The following MTMR1 variants were observed in gnomAD, a reference collection of about 807,000 sequenced individuals.
MTMR1 encodes the protein myotubularin related protein 1, also known as phosphatidylinositol-3-phosphate phosphatase MTMR1.
Under a neutral mutation model 51.6 loss-of-function variants are expected in MTMR1, and 17 were observed. The observed-to-expected ratio is 0.33, with a 90% confidence interval of 0.23 to 0.49. MTMR1 has a LOEUF of 0.49. Among genes scored for constraint, MTMR1 ranks in the 20% least tolerant of loss-of-function variants. The pLI is 0.99. For missense variants in MTMR1, 386 were observed against 526.9 expected, an observed-to-expected ratio of 0.73 and a Z score of 2.62; for synonymous variants, 201 against 205.6, an observed-to-expected ratio of 0.98 and a Z score of 0.19.
At chrX:150,745,508 G>A (rs1394107429) in intron 13 of MTMR1, among the ~76,000 whole-genome samples, 1 of 111,963 alleles carries the variant, frequency 8.9e-6, no homozygotes, top group Non-Finnish European at 1.9e-5. Flanking sequence ...CCCTACTGCA[G>A]AAAGTCTGTG....
chrX:150,759,633 G>C (rs1032836508), intron 15 of MTMR1, among the ~76,000 whole-genome samples: 3 of 109,724 alleles, frequency 2.7e-5, no homozygotes, highest in Non-Finnish European at 5.8e-5. Flanking sequence ...TGCCCGCCGC[G>C]TGAGGCAGGT....
At chrX:150,729,218 C>CACA (rs2042035443) in intron 6 of MTMR1, among the ~76,000 whole-genome samples, 1 of 100,107 alleles carries the variant, frequency 1.0e-5, no homozygotes, top group Non-Finnish European at 2.0e-5. Flanking sequence ...ACACACCCAC[C>CACA]CACACACACA....
intron 4 of MTMR1, among the ~76,000 whole-genome samples, chrX:150,720,258 C>G (rs1294511776): frequency 8.9e-6 from 1 of 111,886 alleles, no homozygotes; most frequent in Non-Finnish European, 1.9e-5. Flanking sequence ...GTCAAGGTAA[C>G]AAACATATCC....
Position 150,727,306 on chromosome X carries a change from G to C in MTMR1, c.444G>C (p.Glu148Asp). ...TDFKLYFKNV[E>D]RDPHFILDVP... ...TTAAGCTGTACTTCAAAAATGTCGA[G>C]AGGGTGAGTTTTTTAAAGTGTGTTT... Residue 148 changes from glutamate (E) to aspartate (D), a missense_variant, in exon 5 of 16, where the codon GAG (glutamate) becomes GAC (aspartate). Glu to Asp is a conservative substitution (Grantham distance 45). Transcript: ENST00000445323. 7 of 1,192,394 alleles carry C rather than the reference G, an allele frequency of 5.9e-6. No individual in the cohort carries two copies. The highest frequency in any genetic ancestry group is 6.8e-6 in the Non-Finnish European group (6 of 879,746).
intron 4 of MTMR1, among the ~76,000 whole-genome samples, chrX:150,723,850 T>C (rs1478715964): frequency 2.7e-5 from 3 of 111,892 alleles, no homozygotes; most frequent in African/African-American, 9.7e-5. Flanking sequence ...TTTCTGTTCC[T>C]GTGTTAGTTT....
chrX:150,694,767 G>A (rs782256289), intron 1 of MTMR1, among the ~76,000 whole-genome samples: 8 of 112,385 alleles, frequency 7.1e-5, no homozygotes, highest in Non-Finnish European at 1.5e-4. Flanking sequence ...CACACACGAG[G>A]TCTGGGCGAT....
At chrX:150,749,603 G>A (rs1300528055) in intron 13 of MTMR1, among the ~76,000 whole-genome samples, 7 of 111,909 alleles carry the variant, frequency 6.3e-5, no homozygotes, top group African/African-American at 2.3e-4. Context: ...GCTGGCAATA[G>A]TAATAGTCTT....
intron 15 of MTMR1, among the ~76,000 whole-genome samples, chrX:150,760,447 G>A (rs1206190886): frequency 8.9e-6 from 1 of 111,871 alleles, no homozygotes; most frequent in African/African-American, 3.3e-5. Context: ...GGATGGCTGG[G>A]TGTGGAAGGC....
Position 150,762,586 on chromosome X carries a change from A to G in MTMR1, c.1879A>G (p.Lys627Glu), listed in dbSNP as rs1557418071. ...CCAGATGCCCATTCACCAGAATCTC[A>G]AGGAGCTGCTGGCCGTCAGGGCGGA... ...RPQMPIHQNL[K>E]ELLAVRAELQ... The change falls in exon 16 of 16, where the codon AAG becomes GAG. Residue 627 changes from lysine to glutamate, a missense_variant. Transcript: ENST00000445323. The G allele has an allele frequency of 8.3e-7, 1 of 1,200,357 alleles. No individual in the cohort carries two copies. Among genetic ancestry groups the G allele is most frequent in the Non-Finnish European group, 1.1e-6 (1 of 885,246 alleles).
At position 150,755,639 on chromosome X, in the gene MTMR1, TTGA is replaced by T. The variant is rs1401333751; in HGVS notation, c.1681-45_1681-43del. On this transcript the variant is annotated intron_variant, in intron 14 of 15. Coordinates refer to ENST00000445323, the MANE Select transcript of MTMR1 (RefSeq NM_001306144.3). The stretch of plus-strand genomic sequence containing the variant: ...CCTTTTCTCGGTGTAATACTAATTC[TTGA>T]TGATATGAAGAAAAGTTTATTTCCA... 16 of 977,296 alleles carry T rather than the reference TTGA, an allele frequency of 1.6e-5. No homozygotes were observed. In the African/African-American group the frequency reaches 3.1e-4, roughly 19 times the overall value. The allele number at this position is 977,296 out of a possible 1,213,427, so 80.5% of individuals were successfully genotyped here.
At chrX:150,742,859 C>T (rs1046566100) in intron 12 of MTMR1, among the ~76,000 whole-genome samples, 3 of 106,525 alleles carry the variant, frequency 2.8e-5, no homozygotes, top group African/African-American at 1.0e-4. Context: ...AGAAATCATG[C>T]TCAGCAAAAT....
chrX:150,736,703 G>C lies in MTMR1; in HGVS notation c.1189G>C (p.Glu397Gln). ...VMRESLRKLK[E>Q]IVYPSIDEAR... ...GCGAGAGTCACTACGCAAATTAAAA[G>C]AGATTGTGTACCCTTCGATCGATGA... is the stretch of plus-strand genomic sequence containing the variant. The change falls in exon 11 of 16, where the codon GAG becomes CAG. Residue 397 changes from glutamate (E) to glutamine (Q), a missense_variant. Physicochemically the swap from Glu to Gln is conservative, Grantham distance 29. Transcript: ENST00000445323. 1 of 1,211,848 alleles carries C rather than the reference G, an allele frequency of 8.3e-7. No homozygotes were observed. Among genetic ancestry groups the C allele is most frequent in the East Asian group, 3.0e-5 (1 of 33,836 alleles).
chrX:150,719,375 T>C (rs1203614344), intron 4 of MTMR1, among the ~76,000 whole-genome samples: 1 of 112,253 alleles, frequency 8.9e-6, no homozygotes, highest in Admixed American at 9.4e-5. Flanking sequence ...ATAGTCATCT[T>C]GTGCCAAGAA....
intron 15 of MTMR1, among the ~76,000 whole-genome samples, chrX:150,756,894 G>A (rs782610623): frequency 7.2e-5 from 8 of 111,585 alleles, no homozygotes; most frequent in Middle Eastern, 4.6e-3. Flanking sequence ...CAAGTGATCC[G>A]CCCGCCTCGG....
intron 15 of MTMR1, among the ~76,000 whole-genome samples, chrX:150,760,175 G>A (rs1557417951): frequency 9.2e-6 from 1 of 108,807 alleles, no homozygotes; most frequent in African/African-American, 3.3e-5. Context: ...TATGCAACAG[G>A]CATGTGTCGG....
At chrX:150,710,836 T>G (rs2148575998) in intron 2 of MTMR1, among the ~76,000 whole-genome samples, 1 of 112,028 alleles carries the variant, frequency 8.9e-6, no homozygotes, top group Non-Finnish European at 1.9e-5. Flanking sequence ...AAGAGGGAGA[T>G]AGTAGTTTGA....
At position 150,752,624 on chromosome X, in the gene MTMR1, GTTTTTTT is replaced by G. The variant is rs782406235; in HGVS notation, c.1680+1799_1680+1805del. Among the ~76,000 whole-genome samples, 4 of 57,468 alleles carry G rather than the reference GTTTTTTT, an allele frequency of 7.0e-5. No homozygotes were observed. In the East Asian group the frequency reaches 1.8e-3, roughly 26 times the overall value. 49.9% of individuals were successfully genotyped at this position (57,468 alleles called of 115,157 possible). A position where few individuals can be genotyped will look rare whatever the true frequency, so the allele number is the denominator to read the frequency against. ...AGAATTTTAACCATGGCTTTATCTT[GTTTTTTT>G]TTTTTTTTTTTTTTTTTGAGAGGGG... On this transcript the variant is annotated intron_variant, in intron 14 of 15. Coordinates refer to ENST00000445323, the MANE Select transcript of MTMR1 (RefSeq NM_001306144.3).
intron 3 of MTMR1, 39 bp from the exon 4 acceptor site, chrX:150,718,586 T>TTTTTTTTTTG: frequency 1.2e-5 from 1 of 83,860 alleles, no homozygotes. Flanking sequence ...TTGGTGTCCT[T>TTTTTTTTTTG]TTTTTTTTTT....
At chrX:150,756,306 A>G (rs782464490) in intron 15 of MTMR1, among the ~76,000 whole-genome samples, 3 of 112,012 alleles carry the variant, frequency 2.7e-5, no homozygotes, top group Non-Finnish European at 5.6e-5. Flanking sequence ...CTTGAATCAC[A>G]GAACAGGTGC....
Sources: allele counts gnomAD v4.1 joint callset (sites outside exome capture counted in the v4.1 genomes callset), GRCh38; gene constraint gnomAD v4.1.1; transcripts MANE v1.5; gene names NCBI Gene and HGNC (gene_info 2026-07-23, HGNC 2026-07-21).